The following MACROD2 variants were observed in gnomAD, a reference collection of about 807,000 sequenced individuals.
The protein encoded by MACROD2 is mono-ADP ribosylhydrolase 2, also known as ADP-ribose glycohydrolase MACROD2.
Under a neutral mutation model 70.4 loss-of-function variants are expected in MACROD2, and 36 were observed. That is an observed-to-expected ratio of 0.51 (90% CI 0.39 to 0.68). MACROD2 has a LOEUF of 0.68. Among genes scored for constraint, MACROD2 ranks in the 30% least tolerant of loss-of-function variants. MACROD2 has a pLI of 0.00. For missense variants in MACROD2, 496 were observed against 538.4 expected (o/e 0.92, Z 0.78); for synonymous variants, 172 against 178.8 (o/e 0.96, Z 0.30).
At chr20:14,194,992 C>T (rs2081417857) in intron 3 of MACROD2, among the ~76,000 whole-genome samples, 1 of 152,032 alleles carries the variant, frequency 6.6e-6, no homozygotes, top group South Asian at 2.1e-4. Context: ...ATCTAGTCTG[C>T]AATGAAGTGG....
In MACROD2 at chr20:15,336,631, A is replaced by G. The variant is rs536319791; in HGVS notation, c.541-94774A>G. On this transcript the variant is annotated intron_variant, in intron 6 of 17. Transcript: ENST00000684519. ...TTGGGAAGAATTCAGTTACATTTCA[A>G]AAGTCTTGCTCTTCAGAATTAAACC... 3.2e-3 allele frequency among the ~76,000 whole-genome samples: 160 copies of G among 49,260 alleles called. 3 individuals carry two copies. The highest frequency in any genetic ancestry group is 9.3e-3 in the African/African-American group (97 of 10,402). The allele number at this position is 49,260 out of a possible 152,430, so 32.3% of individuals were successfully genotyped here. A position where few individuals can be genotyped will look rare whatever the true frequency, so the allele number is the denominator to read the frequency against.
chr20:15,281,453 A>G (rs546897800), intron 6 of MACROD2, among the ~76,000 whole-genome samples: 164 of 152,360 alleles, frequency 1.1e-3, no homozygotes, highest in Non-Finnish European at 1.9e-3. Context: ...ATGGGGGTAC[A>G]GGCATTGGAT....
At chr20:15,759,833 A>G (rs1376966522) in intron 8 of MACROD2, among the ~76,000 whole-genome samples, 1 of 152,228 alleles carries the variant, frequency 6.6e-6, no homozygotes, top group Non-Finnish European at 1.5e-5. Context: ...GAAGGGAAAC[A>G]TCAGTGAATG....
chr20:15,107,219 AC>A (rs1249828112), intron 5 of MACROD2, among the ~76,000 whole-genome samples: 1 of 151,796 alleles, frequency 6.6e-6, no homozygotes, highest in Admixed American at 6.6e-5. Flanking sequence ...GCTTTATGAC[AC>A]TGAAAACAAA....
rs1191113405 is a variant in MACROD2, at chr20:14,737,703, A to G, written c.418+52744A>G. 2.0e-5 allele frequency among the ~76,000 whole-genome samples: 3 copies of G among 152,172 alleles called. No homozygotes were observed. In the East Asian group the frequency reaches 5.8e-4, roughly 29 times the overall value. On this transcript the variant is annotated intron_variant, in intron 5 of 17. Coordinates refer to ENST00000684519, the MANE Select transcript of MACROD2 (RefSeq NM_001351661.2). ...TTTGATTTGCATTTCTCTAATGACC[A>G]GTGATGATGAGCTTTTTTTCATATG...
At chr20:15,713,987 G>GCACACACGCACACACACACACA (rs1555868660) in intron 8 of MACROD2, among the ~76,000 whole-genome samples, 53 of 117,782 alleles carry the variant, frequency 4.5e-4, no homozygotes, top group East Asian at 2.2e-3. Context: ...ACACACATAT[G>GCACACACGCACACACACACACA]CACACACACA....
chr20:14,974,083 C>G (rs1159619456), intron 5 of MACROD2, among the ~76,000 whole-genome samples: 1 of 152,134 alleles, frequency 6.6e-6, no homozygotes, highest in African/African-American at 2.4e-5. Flanking sequence ...TATGAAATAA[C>G]AGATTGAACT....
chr20:15,197,033 G>T, intron 5 of MACROD2: 1 of 985,350 alleles, frequency 1.0e-6, no homozygotes, highest in Non-Finnish European at 1.2e-6. Flanking sequence ...GTTTATGCAG[G>T]TGAGTATTTT....
intron 4 of MACROD2, among the ~76,000 whole-genome samples, chr20:14,571,329 A>G (rs1980177278): frequency 6.6e-6 from 1 of 152,068 alleles, no homozygotes; most frequent in African/African-American, 2.4e-5. Flanking sequence ...GCAATTTCAC[A>G]GCACCTGTAA....
Position 15,693,697 on chromosome 20 carries a change from T to C in MACROD2, c.646-169048T>C, listed in dbSNP as rs1010754489. Among the ~76,000 whole-genome samples the C allele has an allele frequency of 3.3e-5, 5 of 152,336 alleles. No individual in the cohort carries two copies. In the East Asian group the frequency reaches 9.6e-4, roughly 29 times the overall value. ...CAGGTCATGTTGTCACTCGTTTCTT[T>C]TATTTCTTTTTTAAAAATTATTATT... On this transcript the variant is annotated intron_variant, in intron 8 of 17. Transcript: ENST00000684519.
At chr20:14,194,808 A>T (rs2148742339) in intron 3 of MACROD2, among the ~76,000 whole-genome samples, 1 of 152,324 alleles carries the variant, frequency 6.6e-6, no homozygotes, top group South Asian at 2.1e-4. Flanking sequence ...GAATTACATG[A>T]TATGAAGAAA....
At chr20:15,158,663 G>T in intron 5 of MACROD2, among the ~76,000 whole-genome samples, 1 of 152,094 alleles carries the variant, frequency 6.6e-6, no homozygotes, top group Admixed American at 6.5e-5. Flanking sequence ...TTTGTCACCT[G>T]TTTGCAAAGC....
At chr20:14,254,618 C>T (rs2082038435) in intron 3 of MACROD2, among the ~76,000 whole-genome samples, 1 of 152,100 alleles carries the variant, frequency 6.6e-6, no homozygotes, top group South Asian at 2.1e-4. Flanking sequence ...AAATACTAAA[C>T]ATTTCCACGA....
At chr20:14,171,770 G>A (rs1340378088) in intron 3 of MACROD2, among the ~76,000 whole-genome samples, 1 of 152,108 alleles carries the variant, frequency 6.6e-6, no homozygotes, top group Non-Finnish European at 1.5e-5. Flanking sequence ...GTCTATCTTG[G>A]AGAATGTTCC....
At chr20:14,904,420 C>T (rs1259490002) in intron 5 of MACROD2, among the ~76,000 whole-genome samples, 1 of 151,828 alleles carries the variant, frequency 6.6e-6, no homozygotes, top group African/African-American at 2.4e-5. Context: ...AATCACTGTG[C>T]CTAATTAGAA....
At chr20:14,639,797 G>A (rs969158491) in intron 4 of MACROD2, among the ~76,000 whole-genome samples, 1 of 152,124 alleles carries the variant, frequency 6.6e-6, no homozygotes, top group African/African-American at 2.4e-5. Context: ...TAAGTATTAT[G>A]AATGACAAAT....
intron 8 of MACROD2, among the ~76,000 whole-genome samples, chr20:15,629,262 A>T (rs1157632154): frequency 2.0e-5 from 3 of 152,164 alleles, no homozygotes; most frequent in Non-Finnish European, 2.9e-5. Flanking sequence ...ATCCACTGTT[A>T]ATATCAGACC....
chr20:14,121,751 G>A (rs1477510542), intron 3 of MACROD2, among the ~76,000 whole-genome samples: 1 of 152,044 alleles, frequency 6.6e-6, no homozygotes, highest in African/African-American at 2.4e-5. Flanking sequence ...AGTAACTTCT[G>A]ACTGCTTTTC....
intron 6 of MACROD2, among the ~76,000 whole-genome samples, chr20:15,385,104 T>C (rs1472703839): frequency 1.3e-5 from 2 of 152,190 alleles, no homozygotes; most frequent in Admixed American, 6.5e-5. Flanking sequence ...AGGTAGAGTC[T>C]TTCCAAATGC....
Sources: gnomAD v4.1 joint callset for allele counts (sites outside exome capture counted in the v4.1 genomes callset) on GRCh38, gnomAD v4.1.1 for gene constraint, MANE v1.5 for transcripts, NCBI Gene and HGNC (gene_info 2026-07-23, HGNC 2026-07-21) for gene names.